TBC1D22A: variants seen among roughly 807,000 people sequenced by gnomAD.
TBC1D22A encodes putative GTPase activator.
In TBC1D22A, 38 loss-of-function variants were observed where a neutral mutation model predicts 60.2. The observed-to-expected ratio is 0.63, with a 90% CI of 0.49 to 0.83. The LOEUF (loss-of-function observed/expected upper bound fraction) is 0.83, where lower values mean the gene tolerates loss of function less well. Among genes scored for constraint, TBC1D22A ranks in the 40% least tolerant of loss-of-function variants. TBC1D22A has a pLI of 0.00. For missense variants in TBC1D22A, 628 were observed against 701.0 expected, an observed-to-expected ratio of 0.90 and a Z score of 1.18; for synonymous variants, 302 against 281.7, an observed-to-expected ratio of 1.07 and a Z score of -0.72.
intron 12 of TBC1D22A, among the ~76,000 whole-genome samples, chr22:47,166,666 T>C (rs115891343): frequency 2.3e-3 from 353 of 152,342 alleles, no homozygotes; most frequent in African/African-American, 8.2e-3. Context: ...CACACACTCA[T>C]ACATGTACGC....
At chr22:46,948,826 G>T (rs1445040743) in intron 8 of TBC1D22A, among the ~76,000 whole-genome samples, 1 of 152,242 alleles carries the variant, frequency 6.6e-6, no homozygotes, top group East Asian at 1.9e-4. Context: ...CGGCCAAACA[G>T]AAACATGCTA....
intron 9 of TBC1D22A, among the ~76,000 whole-genome samples, chr22:46,974,768 G>C (rs1445433249): frequency 6.6e-6 from 1 of 152,206 alleles, no homozygotes; most frequent in Non-Finnish European, 1.5e-5. Context: ...CCTCAGATCG[G>C]GGGCCACAGC....
intron 11 of TBC1D22A, among the ~76,000 whole-genome samples, chr22:47,093,750 C>A (rs543863677): frequency 6.6e-6 from 1 of 152,294 alleles, no homozygotes; most frequent in Admixed American, 6.5e-5. Flanking sequence ...ATTTATACGT[C>A]AACTTGGCGG....
At chr22:47,097,340 G>A (rs1951114484) in intron 11 of TBC1D22A, among the ~76,000 whole-genome samples, 1 of 152,244 alleles carries the variant, frequency 6.6e-6, no homozygotes, top group Non-Finnish European at 1.5e-5. Flanking sequence ...ATTGGGTTGG[G>A]CACGGTGACT....
intron 12 of TBC1D22A, among the ~76,000 whole-genome samples, chr22:47,142,618 C>G (rs960518800): frequency 7.2e-6 from 1 of 138,888 alleles, no homozygotes; most frequent in African/African-American, 2.8e-5. Flanking sequence ...TCCATCTGCA[C>G]ATCCATCCAT....
intron 12 of TBC1D22A, among the ~76,000 whole-genome samples, chr22:47,160,584 C>A (rs1339567313): frequency 6.6e-6 from 1 of 152,228 alleles, no homozygotes; most frequent in Non-Finnish European, 1.5e-5. Flanking sequence ...CTCTACCTCA[C>A]CCCGGACCAC....
chr22:47,149,481 A>C (rs1034049470), intron 12 of TBC1D22A, among the ~76,000 whole-genome samples: 1 of 152,250 alleles, frequency 6.6e-6, no homozygotes, highest in African/African-American at 2.4e-5. Context: ...CCCCACGGCC[A>C]CAGGCCAGGC....
chr22:46,773,489 G>A (rs1452879806), intron 1 of TBC1D22A, among the ~76,000 whole-genome samples: 1 of 152,024 alleles, frequency 6.6e-6, no homozygotes, highest in African/African-American at 2.4e-5. Flanking sequence ...TTTGGAGATG[G>A]AGTCTTGCCC....
At chr22:47,117,806 T>G (rs1194164434) in intron 12 of TBC1D22A, among the ~76,000 whole-genome samples, 2 of 152,182 alleles carry the variant, frequency 1.3e-5, no homozygotes, top group African/African-American at 4.8e-5. Context: ...GGAGGAAAGT[T>G]TAAGCATATT....
At chr22:47,149,085 A>G (rs2067397111) in intron 12 of TBC1D22A, among the ~76,000 whole-genome samples, 1 of 152,110 alleles carries the variant, frequency 6.6e-6, no homozygotes. Context: ...GGAAGCTGGC[A>G]TTTGTCACTG....
At chr22:46,915,934 T>C (rs746185025) in intron 8 of TBC1D22A, 4 of 446,320 alleles carry the variant, frequency 9.0e-6, no homozygotes, top group African/African-American at 2.0e-5. Flanking sequence ...CTCAGAGCCC[T>C]CTCAGTGTTA....
chr22:46,770,849 C>T (rs1450401288), intron 1 of TBC1D22A, among the ~76,000 whole-genome samples: 5 of 152,182 alleles, frequency 3.3e-5, no homozygotes, highest in Admixed American at 6.5e-5. Context: ...GTTTTCCATG[C>T]AGAGGGAAGC....
chr22:47,049,085 C>T (rs562151612), intron 11 of TBC1D22A, among the ~76,000 whole-genome samples: 8 of 152,322 alleles, frequency 5.3e-5, no homozygotes, highest in Admixed American at 3.9e-4. Flanking sequence ...CGTTAATGGC[C>T]GGGAAGAGGA....
chr22:46,956,875 A>G (rs1240991569), intron 8 of TBC1D22A, among the ~76,000 whole-genome samples: 1 of 152,186 alleles, frequency 6.6e-6, no homozygotes, highest in South Asian at 2.1e-4. Flanking sequence ...CGGGATTTAC[A>G]TGTTTTTTGT....
At chr22:46,774,844 G>C (rs2083635146) in intron 1 of TBC1D22A, among the ~76,000 whole-genome samples, 1 of 152,170 alleles carries the variant, frequency 6.6e-6, no homozygotes, top group Non-Finnish European at 1.5e-5. Context: ...CTCGCCCTCC[G>C]CCATCCTCTT....
At chr22:47,042,370 G>A (rs1395559064) in intron 11 of TBC1D22A, among the ~76,000 whole-genome samples, 3 of 152,192 alleles carry the variant, frequency 2.0e-5, no homozygotes, top group South Asian at 4.1e-4. Flanking sequence ...ATGGCTCCCG[G>A]TCTGTGGAAT....
chr22:47,153,997 A>G (rs1337783449), intron 12 of TBC1D22A, among the ~76,000 whole-genome samples: 1 of 152,058 alleles, frequency 6.6e-6, no homozygotes, highest in Non-Finnish European at 1.5e-5. Flanking sequence ...GGCAGAGAGT[A>G]GGAGGAGGTG....
intron 4 of TBC1D22A, among the ~76,000 whole-genome samples, chr22:46,805,511 C>T (rs1032182325): frequency 2.6e-5 from 4 of 152,232 alleles, no homozygotes; most frequent in African/African-American, 7.2e-5. Context: ...CTCTTCCTCA[C>T]AGCTCTAAAG....
At chr22:47,025,747 A>T (rs1386028535) in intron 10 of TBC1D22A, among the ~76,000 whole-genome samples, 9 of 152,212 alleles carry the variant, frequency 5.9e-5, no homozygotes, top group Admixed American at 5.2e-4. Flanking sequence ...GGCTGTGCTT[A>T]GAGGGAAACG....
Sources: allele counts gnomAD v4.1 joint callset (sites outside exome capture counted in the v4.1 genomes callset), GRCh38; gene constraint gnomAD v4.1.1; transcripts MANE v1.5; gene names NCBI Gene and HGNC (gene_info 2026-07-23, HGNC 2026-07-21).